Variants in BCL11A observed in about 807,000 individuals in gnomAD.
The protein encoded by BCL11A is B cell CLL/lymphoma 11A.
Under a neutral mutation model 55.9 loss-of-function variants are expected in BCL11A, and 2 were observed. The observed-to-expected ratio is 0.04, with a 90% confidence interval of 0.01 to 0.11. The LOEUF (loss-of-function observed/expected upper bound fraction) is 0.11. BCL11A is among the 10% of genes least tolerant of loss of function. BCL11A has a pLI of 1.00. For synonymous variants in BCL11A, 465 were observed against 473.4 expected (o/e 0.98, Z 0.23); for missense variants, 817 against 1,137.1 (o/e 0.72, Z 4.05).
intron 2 of BCL11A, among the ~76,000 whole-genome samples, chr2:60,500,337 C>G (rs1679212521): frequency 6.6e-6 from 1 of 152,138 alleles, no homozygotes; most frequent in Non-Finnish European, 1.5e-5. Flanking sequence ...GGGGCCAGTT[C>G]CCCCATTATG....
chr2:60,482,236 A>G (rs1033638217), intron 2 of BCL11A, among the ~76,000 whole-genome samples: 2 of 142,056 alleles, frequency 1.4e-5, no homozygotes, highest in Non-Finnish European at 3.2e-5. Flanking sequence ...TTCCTCCATT[A>G]AAAAAAAAAA....
At chr2:60,478,408 G>A (rs1325702371) in intron 2 of BCL11A, among the ~76,000 whole-genome samples, 1 of 152,232 alleles carries the variant, frequency 6.6e-6, no homozygotes, top group Non-Finnish European at 1.5e-5. Flanking sequence ...CCTGTCGTCT[G>A]GACACTGGTC....
chr2:60,468,256 A>T (rs1269272308), intron 3 of BCL11A, among the ~76,000 whole-genome samples: 1 of 152,140 alleles, frequency 6.6e-6, no homozygotes, highest in Admixed American at 6.5e-5. Flanking sequence ...AATATACAAC[A>T]TATACTATGT....
intron 2 of BCL11A, among the ~76,000 whole-genome samples, chr2:60,494,151 G>A (rs779607326): frequency 3.8e-4 from 58 of 152,326 alleles, no homozygotes; most frequent in Middle Eastern, 3.4e-3. Flanking sequence ...CATTACTTAA[G>A]AAACCTGAGC....
At chr2:60,477,725 G>C (rs906960880) in intron 2 of BCL11A, among the ~76,000 whole-genome samples, 3 of 152,200 alleles carry the variant, frequency 2.0e-5, no homozygotes, top group African/African-American at 7.2e-5. Flanking sequence ...GGAGTGGGGA[G>C]CCATGGTCAG....
At chr2:60,499,820 T>C (rs1218165795) in intron 2 of BCL11A, 1 of 152,418 alleles carries the variant, frequency 6.6e-6, no homozygotes, top group Non-Finnish European at 1.5e-5. Context: ...CCTGGTACTC[T>C]GCCATCTGTC....
chr2:60,499,036 G>A (rs1357926643), intron 2 of BCL11A, among the ~76,000 whole-genome samples: 1 of 152,160 alleles, frequency 6.6e-6, no homozygotes, highest in Non-Finnish European at 1.5e-5. Flanking sequence ...CCCCACACAG[G>A]CATCCAAAGG....
Position 60,462,170 on chromosome 2 carries a change from A to G in BCL11A, c.742T>C (p.Ser248Pro). ...FNLLRIPGSV[S>P]REASGLAEGR... ...TCTGCCAGGCCGGAAGCCTCTCTCG[A>G]TACTGATCCTGGTATTCTTAGCAGG... Residue 248 changes from serine (S) to proline (P), a missense_variant, in exon 4 of 4, where the codon TCG becomes CCG. Around this residue, in one of 4 missense-constraint regions of BCL11A, gnomAD observed 363 missense variants for 486.6 expected, o/e 0.75. Transcript: ENST00000642384. 1 of 1,585,048 alleles carries G rather than the reference A, an allele frequency of 6.3e-7. No individual in the cohort carries two copies. Among genetic ancestry groups the G allele is most frequent in the Non-Finnish European group, 8.6e-7 (1 of 1,166,006 alleles).
At chr2:60,497,982 G>C (rs1057243363) in intron 2 of BCL11A, among the ~76,000 whole-genome samples, 1 of 152,092 alleles carries the variant, frequency 6.6e-6, no homozygotes, top group African/African-American at 2.4e-5. Context: ...GTGTTGCAGA[G>C]ATTGCTATGC....
intron 2 of BCL11A, among the ~76,000 whole-genome samples, chr2:60,498,259 A>G: frequency 6.6e-6 from 1 of 151,884 alleles, no homozygotes; most frequent in Middle Eastern, 3.2e-3. Context: ...CAACAGTGAT[A>G]ACCAGCAGGG....
At chr2:60,464,050 G>C (rs1342697710) in intron 3 of BCL11A, among the ~76,000 whole-genome samples, 1 of 152,116 alleles carries the variant, frequency 6.6e-6, no homozygotes, top group East Asian at 1.9e-4. Flanking sequence ...CCAAACACTG[G>C]TATTCCAAAA....
In BCL11A at chr2:60,500,951, C is replaced by G. The variant is rs143764097; in HGVS notation, c.386-32118G>C. Reference sequence around the variant, plus strand: ...GTTAAAAGAGTGTCTGTGAAGCAAGCCTAGCTGGGTGGGCTTGCAAGCATT... The same window carrying G: ...GTTAAAAGAGTGTCTGTGAAGCAAGGCTAGCTGGGTGGGCTTGCAAGCATT... On this transcript the variant is annotated intron_variant, in intron 2 of 3. Coordinates refer to ENST00000642384, the MANE Select transcript of BCL11A (RefSeq NM_022893.4). 3.0e-3 allele frequency among the ~76,000 whole-genome samples: 464 copies of G among 152,244 alleles called. 1 individual carries two copies. Among genetic ancestry groups the G allele is most frequent in the Non-Finnish European group, 5.6e-3 (382 of 68,008 alleles).
intron 2 of BCL11A, among the ~76,000 whole-genome samples, chr2:60,479,551 A>C (rs1242576109): frequency 6.6e-6 from 1 of 152,170 alleles, no homozygotes; most frequent in African/African-American, 2.4e-5. Context: ...GCTGGGTAGA[A>C]AGCCCCCTCT....
chr2:60,487,534 G>A (rs534762751), intron 2 of BCL11A, among the ~76,000 whole-genome samples: 1 of 152,242 alleles, frequency 6.6e-6, no homozygotes, highest in Non-Finnish European at 1.5e-5. Flanking sequence ...AATGAATACA[G>A]ATTCAGATTA....
upstream of BCL11A, chr2:60,553,921 G>A (rs1364330213): frequency 2.5e-5 from 2 of 79,024 alleles, no homozygotes; most frequent in Admixed American, 3.5e-4. Flanking sequence ...GGCCGGGAGA[G>A]AAGAAAGGGG....
chr2:60,461,399 G>GCTC lies in BCL11A; in HGVS notation c.1510_1512dup (p.Glu504dup). ...TAGTCCACCCTCTCGCTCTCCGTCA[G>GCTC]CTCCTCCTCCTCCTCTTCCTCCTCT... On this transcript the variant is annotated inframe_insertion, in exon 4 of 4. Transcript: ENST00000642384. The GCTC allele has an allele frequency of 3.7e-6, 6 of 1,605,096 alleles. No homozygotes were observed. The highest frequency in any genetic ancestry group is 5.1e-6 in the Non-Finnish European group (6 of 1,178,640).
At chr2:60,525,474 ACCATAGCTT>A (rs1669161512) in intron 2 of BCL11A, 1 of 152,200 alleles carries the variant, frequency 6.6e-6, no homozygotes, top group South Asian at 2.1e-4. Flanking sequence ...CTTAATCTCC[ACCATAGCTT>A]CCATCTTTGA....
At chr2:60,506,772 T>A (rs529554391) in intron 2 of BCL11A, among the ~76,000 whole-genome samples, 185 of 152,384 alleles carry the variant, frequency 1.2e-3, no homozygotes, top group African/African-American at 4.2e-3. Flanking sequence ...AAATAATGTC[T>A]ATAATGCTGA....
At chr2:60,507,663 C>T (rs1003730179) in intron 2 of BCL11A, among the ~76,000 whole-genome samples, 1 of 151,972 alleles carries the variant, frequency 6.6e-6, no homozygotes, top group Admixed American at 6.6e-5. Flanking sequence ...GCTTGCTGTC[C>T]TAAGTCGGCT....
Sources: gnomAD v4.1 joint callset for allele counts (sites outside exome capture counted in the v4.1 genomes callset) on GRCh38, gnomAD v4.1.1 for gene constraint, gnomAD v4.1.1 regional missense constraint, MANE v1.5 for transcripts, NCBI Gene and HGNC (gene_info 2026-07-23, HGNC 2026-07-21) for gene names.